MAST4: variants seen among roughly 807,000 people sequenced by gnomAD.
MAST4 encodes microtubule-associated serine/threonine-protein kinase 4.
Under a neutral mutation model 162.7 loss-of-function variants are expected in MAST4, and 89 were observed. The ratio of observed to expected loss-of-function variants is 0.55; its 90% CI spans 0.46 to 0.65. The LOEUF is 0.65. MAST4 is among the 30% of genes least tolerant of loss of function. The pLI is 0.00. For synonymous variants in MAST4, 1,479 were observed against 1,361.1 expected (o/e 1.09, Z -1.91); for missense variants, 3,153 against 3,374.0 (o/e 0.93, Z 1.62).
Position 66,596,736 on chromosome 5 carries a change from G to A in MAST4, c.81G>A (p.Ala27=), listed in dbSNP as rs779731646. The A allele has an allele frequency of 7.1e-7, 1 of 1,413,680 alleles. No individual in the cohort carries two copies. Among genetic ancestry groups the A allele is most frequent in the African/African-American group, 1.5e-5 (1 of 67,326 alleles). The allele number at this position is 1,413,680 out of a possible 1,614,324, so 87.6% of individuals were successfully genotyped here. A position where few individuals can be genotyped will look rare whatever the true frequency, so the allele number is the denominator to read the frequency against. ...ACGGCAGCCGGACTCCAGCCTCTGC[G>A]CTGGTCGCCGCGTCCTCTCCGGGTG... ...SGHGSRTPAS[A]LVAASSPGAS... is the part of the protein sequence containing the mutation. The change falls in exon 1 of 29, where the codon GCG becomes GCA. Residue 27 remains alanine (A), a synonymous_variant. Coordinates refer to ENST00000403625, the MANE Select transcript of MAST4 (RefSeq NM_001164664.2).
At chr5:67,106,320 G>A (rs910707072) in intron 10 of MAST4, among the ~76,000 whole-genome samples, 1 of 151,974 alleles carries the variant, frequency 6.6e-6, no homozygotes, top group Non-Finnish European at 1.5e-5. Flanking sequence ...TTTCTACCTG[G>A]GCAGCCCACT....
chr5:66,774,079 TG>T (rs1362508690), intron 2 of MAST4, among the ~76,000 whole-genome samples: 1 of 152,248 alleles, frequency 6.6e-6, no homozygotes, highest in East Asian at 1.9e-4. Flanking sequence ...TAATGTAGGA[TG>T]GCCTGTATTT....
chr5:67,125,004 A>G (rs1308300449), intron 14 of MAST4, among the ~76,000 whole-genome samples: 2 of 152,180 alleles, frequency 1.3e-5, no homozygotes, highest in Non-Finnish European at 2.9e-5. Flanking sequence ...GTGATTCTTG[A>G]TTGAAAATCA....
At chr5:67,134,337 G>A (rs1013906938) in intron 17 of MAST4, among the ~76,000 whole-genome samples, 186 bp from the exon 18 acceptor site, 3 of 152,082 alleles carry the variant, frequency 2.0e-5, no homozygotes, top group East Asian at 1.9e-4. Context: ...CCCGTCTTTG[G>A]TAATAATTCT....
chr5:66,989,023 T>A (rs1488685773), intron 4 of MAST4, among the ~76,000 whole-genome samples: 1 of 152,264 alleles, frequency 6.6e-6, no homozygotes, highest in Non-Finnish European at 1.5e-5. Flanking sequence ...TTTAGATCTT[T>A]GTACTTCATG....
chr5:66,759,136 T>G (rs1328319902), intron 1 of MAST4, among the ~76,000 whole-genome samples: 1 of 152,208 alleles, frequency 6.6e-6, no homozygotes, highest in African/African-American at 2.4e-5. Context: ...AGGGATGTAT[T>G]GATTTCCATT....
At chr5:66,825,614 ATTGTTT>A (rs1448239507) in intron 3 of MAST4, among the ~76,000 whole-genome samples, 1 of 152,160 alleles carries the variant, frequency 6.6e-6, no homozygotes, top group African/African-American at 2.4e-5. Context: ...GGTATTTGGA[ATTGTTT>A]TTGTTTCTGT....
chr5:66,693,483 C>T lies in MAST4; in HGVS notation c.364-66226C>T, dbSNP rs961642443. On this transcript the variant is annotated intron_variant, in intron 1 of 28. Transcript: ENST00000403625. ...CTACCAAGTGTGTGTTTTGTTTTCA[C>T]TTCACCACAAGAAAATGAAAGAAAT... Among the ~76,000 whole-genome samples the T allele has an allele frequency of 2.0e-5, 3 of 152,136 alleles. No individual in the cohort carries two copies. The East Asian group carries it at 5.8e-4, about 29-fold the overall frequency.
intron 3 of MAST4, among the ~76,000 whole-genome samples, chr5:66,896,635 A>T (rs1762703874): frequency 6.6e-6 from 1 of 152,244 alleles, no homozygotes; most frequent in African/African-American, 2.4e-5. Flanking sequence ...GTATAGCCAT[A>T]TTGTTTTGTT....
At chr5:66,654,181 G>C (rs1746402104) in intron 1 of MAST4, among the ~76,000 whole-genome samples, 1 of 152,158 alleles carries the variant, frequency 6.6e-6, no homozygotes, top group Non-Finnish European at 1.5e-5. Context: ...GGATGGCCAG[G>C]GGAGACTCCT....
chr5:66,844,139 CTGTGTGTGTGTGTGTGTGTG>C lies in MAST4; in HGVS notation c.642+55385_642+55404del, dbSNP rs59568297. On this transcript the variant is annotated intron_variant, in intron 3 of 28. Transcript: ENST00000403625. ...TCTTTAACAGCTGGTCCCAGTCAGCCTGTGTGTGTGTGTGTGTGTGTGTGTGTGTGTGTGTGTGTGTGTGT... is the reference window on the plus strand; with the variant it reads ...TCTTTAACAGCTGGTCCCAGTCAGCCTGTGTGTGTGTGTGTGTGTGTGTGT... 6.3e-3 allele frequency among the ~76,000 whole-genome samples: 660 copies of C among 104,552 alleles called. 6 individuals carry two copies. The highest frequency in any genetic ancestry group is 0.011 in the African/African-American group (287 of 25,132). 68.6% of individuals were successfully genotyped at this position (104,552 alleles called of 152,430 possible). A position where few individuals can be genotyped will look rare whatever the true frequency, so the allele number is the denominator to read the frequency against.
At chr5:67,095,728 T>TTAC in intron 7 of MAST4, 53 bp downstream of exon 7, 1 of 1,330,180 alleles carries the variant, frequency 7.5e-7, no homozygotes, top group South Asian at 1.6e-5. Context: ...AACAGAGCTA[T>TTAC]TACACAGGCA....
intron 24 of MAST4, among the ~76,000 whole-genome samples, chr5:67,150,054 A>G (rs1413662064): frequency 6.6e-6 from 1 of 152,168 alleles, no homozygotes; most frequent in Non-Finnish European, 1.5e-5. Flanking sequence ...TCATTTCTGG[A>G]GATAGAGTCA....
chr5:67,003,666 C>T (rs1561520855), intron 4 of MAST4, among the ~76,000 whole-genome samples: 1 of 152,154 alleles, frequency 6.6e-6, no homozygotes. Context: ...TTTATACAAA[C>T]ATTCATGGAT....
intron 1 of MAST4, among the ~76,000 whole-genome samples, chr5:66,676,982 T>C (rs568812063): frequency 1.9e-4 from 29 of 152,318 alleles, no homozygotes; most frequent in Admixed American, 1.8e-3. Flanking sequence ...CATCTCCTTT[T>C]TGAAGGTCAT....
intron 4 of MAST4, among the ~76,000 whole-genome samples, chr5:67,010,043 G>A (rs1213576418): frequency 6.6e-6 from 1 of 152,104 alleles, no homozygotes; most frequent in African/African-American, 2.4e-5. Context: ...GTGAGGCGGG[G>A]AAAACACAAG....
At chr5:67,048,641 T>A (rs1045359011) in intron 4 of MAST4, among the ~76,000 whole-genome samples, 1 of 152,108 alleles carries the variant, frequency 6.6e-6, no homozygotes, top group African/African-American at 2.4e-5. Flanking sequence ...TTTGAGGTCA[T>A]CTTTCCTTGG....
At chr5:67,162,832 A>G (rs1303700646) in intron 28 of MAST4, 44 bp downstream of exon 28, 1 of 1,579,148 alleles carries the variant, frequency 6.3e-7, no homozygotes, top group Middle Eastern at 1.8e-4. Flanking sequence ...GAGGGGAGGT[A>G]AAGTCATGTG....
chr5:66,652,862 G>A lies in MAST4; in HGVS notation c.363+55844G>A, dbSNP rs143005106. On this transcript the variant is annotated intron_variant, in intron 1 of 28. Transcript: ENST00000403625. ...AAAAAATTTGTTTGCTCTCTTTGAG[G>A]CAAGCGCTCTCATTGCTTCTCCCCA... Among the ~76,000 whole-genome samples the A allele has an allele frequency of 7.9e-3, 1,210 of 152,208 alleles. 9 individuals carry two copies. Among genetic ancestry groups the A allele is most frequent in the Middle Eastern group, 0.061 (18 of 294 alleles).
Sources: allele counts gnomAD v4.1 joint callset (sites outside exome capture counted in the v4.1 genomes callset), GRCh38; gene constraint gnomAD v4.1.1; transcripts MANE v1.5; gene names NCBI Gene and HGNC (gene_info 2026-07-23, HGNC 2026-07-21).